EGF: variants seen among roughly 807,000 people sequenced by gnomAD.
EGF encodes the protein epidermal growth factor, also known as pro-epidermal growth factor.
Under a neutral mutation model 143.8 loss-of-function variants are expected in EGF, and 95 were observed. That is an observed-to-expected ratio of 0.66 (90% CI 0.56 to 0.78). The LOEUF is 0.78. EGF is among the 30% of genes least tolerant of loss of function. The pLI is 0.00. For missense variants in EGF, 1,320 were observed against 1,470.9 expected (o/e 0.90, Z 1.68); for synonymous variants, 510 against 510.5 (o/e 1.00, Z 0.01).
At position 109,994,837 on chromosome 4, in the gene EGF, G is replaced by C. The variant is rs1169293764; in HGVS notation, c.2962G>C (p.Gly988Arg). 6.2e-7 allele frequency: 1 copy of C among 1,614,124 alleles called. No homozygotes were observed. The highest frequency in any genetic ancestry group is 1.7e-5 in the Admixed American group (1 of 60,020). Residue 988 changes from glycine (G) to arginine (R), a missense_variant, in exon 20 of 24, where the codon GGT (glycine) becomes CGT (arginine). Coordinates refer to ENST00000265171, the MANE Select transcript of EGF (RefSeq NM_001963.6). ...CCACGATGGGTACTGCCTCCATGATGGTGTGTGCATGTATATTGAAGCATT... is the reference window on the plus strand; with the variant it reads ...CCACGATGGGTACTGCCTCCATGATCGTGTGTGCATGTATATTGAAGCATT... The part of the protein sequence containing the change: ...LSHDGYCLHD[G>R]VCMYIEALDK...
chr4:109,930,016 A>G (rs1739406468), intron 1 of EGF, among the ~76,000 whole-genome samples: 1 of 152,020 alleles, frequency 6.6e-6, no homozygotes, highest in African/African-American at 2.4e-5. Flanking sequence ...TTCTCACGAG[A>G]TCTGATGGTT....
rs768329946 is a variant in EGF at position 109,980,147 on chromosome 4, C to A, written c.2221+8C>A. ...ATCCATTGGCAAAACCAGGTACATA[C>A]TGGAGATGTTACACAGTCTTTCCTT... On this transcript the variant is annotated splice_region_variant and intron_variant, in intron 14 of 23. Transcript: ENST00000265171. 7 of 1,596,982 alleles carry A rather than the reference C, an allele frequency of 4.4e-6. No homozygotes were observed. Among genetic ancestry groups the A allele is most frequent in the Non-Finnish European group, 5.1e-6 (6 of 1,170,922 alleles).
chr4:110,002,044 C>G lies in EGF; in HGVS notation c.3173+2198C>G, dbSNP rs73841124. The G allele has an allele frequency of 1.5e-3, 1,452 of 985,180 alleles. 10 individuals are homozygous for G. In the African/African-American group the frequency reaches 0.02, roughly 13 times the overall value. 61.0% of individuals were successfully genotyped at this position (985,180 alleles called of 1,614,324 possible). On this transcript the variant is annotated intron_variant, in intron 21 of 23. Transcript: ENST00000265171. The stretch of plus-strand genomic sequence containing the variant: ...GTTGCCATGTCATACTCAACTGTAC[C>G]AACAAATACAGCTCTAACATTGAGT...
intron 5 of EGF, among the ~76,000 whole-genome samples, chr4:109,954,467 C>CT (rs1163577771): frequency 6.6e-6 from 1 of 151,988 alleles, no homozygotes; most frequent in Admixed American, 6.6e-5. Context: ...TGATTTTTTT[C>CT]TTTTTTTACT....
rs149276143 is a variant in EGF, at chr4:110,012,862, C to T, written c.*1407C>T. Among the ~76,000 whole-genome samples, 568 of 152,262 alleles carry T rather than the reference C, an allele frequency of 3.7e-3. 11 individuals are homozygous for T. Among genetic ancestry groups the T allele is most frequent in the Non-Finnish European group, 5.1e-4 (35 of 68,010 alleles). ...ACTTTAAATTTTGGGGGCTTTGAAT[C>T]ATTCAGTTTATGCATTAACTAGTCC... On this transcript the variant is annotated 3_prime_UTR_variant, in exon 24 of 24. Coordinates refer to ENST00000265171, the MANE Select transcript of EGF (RefSeq NM_001963.6).
chr4:109,950,386 C>T (rs183653767), intron 5 of EGF, among the ~76,000 whole-genome samples: 26 of 152,268 alleles, frequency 1.7e-4, no homozygotes, highest in Admixed American at 4.6e-4. Context: ...AACAATTCTA[C>T]TCCTTATGAT....
chr4:109,958,398 T>C (rs945131104), intron 5 of EGF, among the ~76,000 whole-genome samples: 2 of 152,194 alleles, frequency 1.3e-5, no homozygotes, highest in Non-Finnish European at 2.9e-5. Context: ...TGGTACAAAA[T>C]TGACCACTTA....
intron 1 of EGF, among the ~76,000 whole-genome samples, chr4:109,932,857 C>A (rs529277470): frequency 6.6e-6 from 1 of 152,176 alleles, no homozygotes; most frequent in Admixed American, 6.5e-5. Context: ...CTTTGCCCCA[C>A]GAATTAGTAG....
At position 109,943,893 on chromosome 4, in the gene EGF, C is replaced by A. The variant is rs138711485; in HGVS notation, c.561C>A (p.Leu187=). The change falls in exon 4 of 24, where the codon CTC becomes CTA. Residue 187 remains leucine (L), a synonymous_variant. Coordinates refer to ENST00000265171, the MANE Select transcript of EGF (RefSeq NM_001963.6). ...CTGGAAGCCTTTATAGAGCAGATCT[C>A]GATGGTGTGGGAGTGAAGGCTCTGT... ...EVAGSLYRAD[L]DGVGVKALLE... 2 of 1,613,874 alleles carry A rather than the reference C, an allele frequency of 1.2e-6. No homozygotes were observed. The highest frequency in any genetic ancestry group is 1.7e-6 in the Non-Finnish European group (2 of 1,180,016).
At position 109,972,550 on chromosome 4, in the gene EGF, T is replaced by G. The variant is rs546722039; in HGVS notation, c.1725-2153T>G. Among the ~76,000 whole-genome samples the G allele has an allele frequency of 5.9e-5, 9 of 152,264 alleles. No individual in the cohort carries two copies. In the East Asian group the frequency reaches 1.4e-3, roughly 23 times the overall value. On this transcript the variant is annotated intron_variant, in intron 11 of 23. Transcript: ENST00000265171. Reference sequence around the variant, plus strand: ...CCTCCCACCAAGGGAAGAGGCACAGTGACAGTTGTGTCTGAGAACAGAACT... The same window carrying G: ...CCTCCCACCAAGGGAAGAGGCACAGGGACAGTTGTGTCTGAGAACAGAACT...
At chr4:109,936,527 T>C (rs979848978) in intron 1 of EGF, among the ~76,000 whole-genome samples, 26 of 152,226 alleles carry the variant, frequency 1.7e-4, no homozygotes, top group African/African-American at 6.3e-4. Context: ...GAAGAGTTTT[T>C]CATATCTCTA....
chr4:109,927,404 G>T (rs1182059019), intron 1 of EGF, among the ~76,000 whole-genome samples: 4 of 151,856 alleles, frequency 2.6e-5, no homozygotes, highest in African/African-American at 9.7e-5. Flanking sequence ...GGGACTGTGG[G>T]GCATTCCTAA....
intron 16 of EGF, among the ~76,000 whole-genome samples, chr4:109,986,136 A>G (rs1292325403): frequency 6.6e-6 from 1 of 152,212 alleles, no homozygotes; most frequent in East Asian, 1.9e-4. Flanking sequence ...TTTGTGGCAG[A>G]AACAACAACA....
At chr4:109,946,957 A>G (rs1689517716) in intron 5 of EGF, among the ~76,000 whole-genome samples, 2 of 152,112 alleles carry the variant, frequency 1.3e-5, no homozygotes, top group South Asian at 4.1e-4. Context: ...TGTCTCTACT[A>G]AAAATACAAA....
In EGF at chr4:109,999,857, C is replaced by A. The variant is rs1649161889; in HGVS notation, c.3173+11C>A. 6.2e-7 allele frequency: 1 copy of A among 1,612,770 alleles called. No individual in the cohort carries two copies. The highest frequency in any genetic ancestry group is 1.3e-5 in the African/African-American group (1 of 74,906). On this transcript the variant is annotated intron_variant, in intron 21 of 23. Coordinates refer to ENST00000265171, the MANE Select transcript of EGF (RefSeq NM_001963.6). ...GGCCCACTACTACAGGTGACCCTGT[C>A]TTTCCTTTGGTACTGGAAACCTCTT...
chr4:110,008,064 G>A (rs774638985), intron 22 of EGF, 88 bp from the exon 23 acceptor site: 23 of 1,223,642 alleles, frequency 1.9e-5, no homozygotes, highest in African/African-American at 1.3e-4. Context: ...GATGAACATC[G>A]TAAAGCCATA....
chr4:109,913,590 T>G (rs1736081564), intron 1 of EGF, 128 bp downstream of exon 1: 1 of 1,335,308 alleles, frequency 7.5e-7, no homozygotes, highest in Non-Finnish European at 1.0e-6. Context: ...GCTTAATTTT[T>G]GTTTTCTGAT....
intron 1 of EGF, among the ~76,000 whole-genome samples, chr4:109,931,485 TACTAGATTGCGAGTGC>T (rs528505356): frequency 1.8e-4 from 27 of 152,178 alleles, no homozygotes; most frequent in Non-Finnish European, 3.2e-4. Flanking sequence ...GTTGGAAGTG[TACTAGATTGCGAGTGC>T]ACTAGATTGC....
rs147230694 is a variant in EGF at position 110,013,660 on chromosome 4, C to T, written c.*2205C>T. ...CTCCCTAACTCTCATCGTCTCATTG[C>T]GCGCAACGCCTGATTGAGCTTCTGT... On this transcript the variant is annotated 3_prime_UTR_variant, in exon 24 of 24. Transcript: ENST00000265171. 1.3e-3 allele frequency among the ~76,000 whole-genome samples: 192 copies of T among 152,120 alleles called. 4 individuals are homozygous for T. The highest frequency in any genetic ancestry group is 4.3e-3 in the African/African-American group (178 of 41,518).
Sources: allele counts gnomAD v4.1 joint callset (sites outside exome capture counted in the v4.1 genomes callset), GRCh38; gene constraint gnomAD v4.1.1; transcripts MANE v1.5; gene names NCBI Gene and HGNC (gene_info 2026-07-23, HGNC 2026-07-21).